The following CDKAL1 variants were observed in gnomAD, a reference collection of about 807,000 sequenced individuals.
The protein encoded by CDKAL1 is threonylcarbamoyladenosine tRNA methylthiotransferase.
A neutral mutation model predicts 68.2 loss-of-function variants in CDKAL1; 32 were observed. That is an observed-to-expected ratio of 0.47 (90% CI 0.35 to 0.63). CDKAL1 has a LOEUF of 0.63. CDKAL1 is among the 30% of genes least tolerant of loss of function. CDKAL1 has a pLI of 0.00. For synonymous variants in CDKAL1, 234 were observed against 244.3 expected (o/e 0.96, Z 0.39); for missense variants, 606 against 696.7 (o/e 0.87, Z 1.47).
At chr6:20,791,354 C>T (rs928943033) in intron 8 of CDKAL1, among the ~76,000 whole-genome samples, 3 of 152,174 alleles carry the variant, frequency 2.0e-5, no homozygotes, top group Admixed American at 6.5e-5. Context: ...CTCAGGCTTA[C>T]GTAGACTGCT....
At chr6:21,006,783 A>G (rs1312361960) in intron 11 of CDKAL1, among the ~76,000 whole-genome samples, 1 of 152,172 alleles carries the variant, frequency 6.6e-6, no homozygotes, top group Non-Finnish European at 1.5e-5. Context: ...CTGTTACTTT[A>G]TGTTGACTTG....
At chr6:21,049,533 T>C (rs1331354492) in intron 11 of CDKAL1, among the ~76,000 whole-genome samples, 1 of 152,322 alleles carries the variant, frequency 6.6e-6, no homozygotes, top group Non-Finnish European at 1.5e-5. Context: ...TTAAATACTA[T>C]AACAATATTA....
At chr6:20,837,979 G>GTGTGTGTA (rs1778021099) in intron 8 of CDKAL1, among the ~76,000 whole-genome samples, 1 of 148,702 alleles carries the variant, frequency 6.7e-6, no homozygotes, top group South Asian at 2.1e-4. Context: ...GTGTGTGTGT[G>GTGTGTGTA]TGTATACTTC....
intron 5 of CDKAL1, among the ~76,000 whole-genome samples, chr6:20,734,898 CTCA>C (rs1773118706): frequency 1.8e-5 from 2 of 108,588 alleles, no homozygotes; most frequent in African/African-American, 7.3e-5. Flanking sequence ...GAGATGGAGT[CTCA>C]CTGTGTTGCC....
chr6:20,624,428 A>G lies in CDKAL1; in HGVS notation c.287-24865A>G, dbSNP rs562746083. On this transcript the variant is annotated intron_variant, in intron 4 of 15. Coordinates refer to ENST00000274695, the MANE Select transcript of CDKAL1 (RefSeq NM_017774.3). ...TTTCTCTCCTGAGGATGCTTCTTGT[A>G]TCTTTGCTTCTGACTTGAGGGCAGG... Among the ~76,000 whole-genome samples, 12 of 151,822 alleles carry G rather than the reference A, an allele frequency of 7.9e-5. No individual in the cohort carries two copies. The South Asian group carries it at 2.5e-3, about 32-fold the overall frequency.
At chr6:20,851,621 A>C (rs1004827000) in intron 9 of CDKAL1, among the ~76,000 whole-genome samples, 1 of 152,140 alleles carries the variant, frequency 6.6e-6, no homozygotes, top group Non-Finnish European at 1.5e-5. Context: ...TAAACTGGTT[A>C]TGGAAAGGTA....
chr6:21,086,897 C>G (rs1017579423), intron 12 of CDKAL1, among the ~76,000 whole-genome samples: 2 of 152,156 alleles, frequency 1.3e-5, no homozygotes, highest in African/African-American at 4.8e-5. Flanking sequence ...TAATTCTTAA[C>G]TGTCTCACTA....
At chr6:20,960,390 G>C (rs372625216) in intron 10 of CDKAL1, among the ~76,000 whole-genome samples, 1 of 152,136 alleles carries the variant, frequency 6.6e-6, no homozygotes, top group Admixed American at 6.5e-5. Context: ...ATTCTAATTC[G>C]CAAATGCTTT....
At chr6:20,544,234 C>T (rs1028956005) in intron 2 of CDKAL1, among the ~76,000 whole-genome samples, 1 of 151,492 alleles carries the variant, frequency 6.6e-6, no homozygotes, top group African/African-American at 2.4e-5. Context: ...TGTTATGTTC[C>T]ATTGATCTAT....
intron 12 of CDKAL1, among the ~76,000 whole-genome samples, chr6:21,095,946 ACT>A (rs1773292089): frequency 6.6e-6 from 1 of 152,032 alleles, no homozygotes; most frequent in Non-Finnish European, 1.5e-5. Context: ...TGAATTTTAG[ACT>A]CTTATTATTG....
At chr6:21,114,014 C>T (rs1322387166) in intron 13 of CDKAL1, among the ~76,000 whole-genome samples, 1 of 151,412 alleles carries the variant, frequency 6.6e-6, no homozygotes, top group African/African-American at 2.4e-5. Flanking sequence ...TTTGAGAGGC[C>T]GAGGCGGGCA....
chr6:20,776,934 G>T (rs1037681532), intron 7 of CDKAL1, among the ~76,000 whole-genome samples: 3 of 152,152 alleles, frequency 2.0e-5, no homozygotes, highest in Admixed American at 6.6e-5. Flanking sequence ...TCCCAAGACA[G>T]CTCAGTGGAT....
Position 20,834,445 on chromosome 6 carries a change from A to G in CDKAL1, c.639-11630A>G, listed in dbSNP as rs76160938. On this transcript the variant is annotated intron_variant, in intron 8 of 15. Transcript: ENST00000274695. ...TCTCATCTCCTATGGAATTTCTAAC[A>G]TACCAGCTTCTGTTTTCACGAACCT... Among the ~76,000 whole-genome samples, 328 of 152,310 alleles carry G rather than the reference A, an allele frequency of 2.2e-3. 7 individuals are homozygous for G. The East Asian group carries it at 0.046, about 21-fold the overall frequency.
chr6:20,831,743 A>G (rs1244424114), intron 8 of CDKAL1, among the ~76,000 whole-genome samples: 2 of 152,236 alleles, frequency 1.3e-5, no homozygotes, highest in Non-Finnish European at 2.9e-5. Context: ...GTTGTTGCAT[A>G]GAATAAGAGA....
At chr6:20,865,881 C>G (rs1318188194) in intron 9 of CDKAL1, among the ~76,000 whole-genome samples, 1 of 152,134 alleles carries the variant, frequency 6.6e-6, no homozygotes, top group Non-Finnish European at 1.5e-5. Flanking sequence ...ATGCCACAGG[C>G]TTGCATTAAA....
intron 10 of CDKAL1, among the ~76,000 whole-genome samples, chr6:20,958,026 A>G (rs1181651943): frequency 6.6e-6 from 1 of 151,364 alleles, no homozygotes; most frequent in Non-Finnish European, 1.5e-5. Flanking sequence ...TATAGAGCCC[A>G]CACTGTAGTC....
chr6:20,992,016 C>A (rs867123642), intron 10 of CDKAL1, among the ~76,000 whole-genome samples: 6 of 131,654 alleles, frequency 4.6e-5, no homozygotes, highest in Middle Eastern at 3.8e-3. Context: ...TTTCCCCCAC[C>A]TTTTTTTTTC....
At chr6:20,720,926 G>A (rs1772321449) in intron 5 of CDKAL1, among the ~76,000 whole-genome samples, 1 of 152,102 alleles carries the variant, frequency 6.6e-6, no homozygotes, top group Admixed American at 6.5e-5. Flanking sequence ...CCATATTGCT[G>A]CAAATGACAT....
At chr6:21,190,417 G>T (rs1035306303) in intron 13 of CDKAL1, among the ~76,000 whole-genome samples, 2 of 151,726 alleles carry the variant, frequency 1.3e-5, no homozygotes, top group African/African-American at 4.8e-5. Context: ...GCCCAGGCTG[G>T]AGTGCAATGG....
Sources: allele counts gnomAD v4.1 joint callset (sites outside exome capture counted in the v4.1 genomes callset), GRCh38; gene constraint gnomAD v4.1.1; transcripts MANE v1.5; gene names NCBI Gene and HGNC (gene_info 2026-07-23, HGNC 2026-07-21).